The following PDE4D variants were observed in gnomAD, a reference collection of about 807,000 sequenced individuals.
PDE4D encodes the protein phosphodiesterase 4D.
A neutral mutation model predicts 87.4 loss-of-function variants in PDE4D; 24 were observed. The observed-to-expected ratio is 0.27, with a 90% confidence interval of 0.20 to 0.39. The LOEUF is 0.39. PDE4D is among the 10% of genes least tolerant of loss of function. The pLI is 1.00. For missense variants in PDE4D, 714 were observed against 1,041.0 expected (o/e 0.69, Z 4.32); for synonymous variants, 384 against 383.2 (o/e 1.00, Z -0.02).
At chr5:59,088,109 T>C (rs954736504) in intron 5 of PDE4D, among the ~76,000 whole-genome samples, 6 of 152,216 alleles carry the variant, frequency 3.9e-5, no homozygotes, top group Non-Finnish European at 8.8e-5. Context: ...TATATTTATC[T>C]TTCCCTTTTC....
intron 1 of PDE4D, among the ~76,000 whole-genome samples, chr5:59,756,770 T>C (rs889722545): frequency 6.6e-6 from 1 of 151,730 alleles, no homozygotes; most frequent in Admixed American, 6.6e-5. Flanking sequence ...ACTTGTACCT[T>C]CACAGTGGAT....
At chr5:59,019,071 C>A (rs1340263680) in intron 6 of PDE4D, among the ~76,000 whole-genome samples, 1 of 152,058 alleles carries the variant, frequency 6.6e-6, no homozygotes, top group Non-Finnish European at 1.5e-5. Context: ...TCCAGCCCTC[C>A]CCCAATACCC....
intron 3 of PDE4D, among the ~76,000 whole-genome samples, chr5:59,979,888 T>C (rs919111358): frequency 5.3e-5 from 8 of 152,260 alleles, no homozygotes; most frequent in Non-Finnish European, 7.4e-5. Flanking sequence ...TTCTATAGTT[T>C]TTTTCTATAT....
intron 1 of PDE4D, among the ~76,000 whole-genome samples, chr5:59,791,066 CAG>C (rs2152646272): frequency 6.6e-6 from 1 of 152,294 alleles, no homozygotes; most frequent in South Asian, 2.1e-4. Context: ...TACACAGACT[CAG>C]AGTCCTGACA....
At chr5:59,492,844 G>C (rs1295750345) in intron 1 of PDE4D, among the ~76,000 whole-genome samples, 1 of 152,092 alleles carries the variant, frequency 6.6e-6, no homozygotes, top group Non-Finnish European at 1.5e-5. Flanking sequence ...CACAAGATCT[G>C]ATGGTTTTAT....
chr5:60,491,353 A>T (rs1749521107), upstream of PDE4D: 1 of 152,168 alleles, frequency 6.6e-6, no homozygotes, highest in South Asian at 2.1e-4. Context: ...ATGGACCTCA[A>T]AATTTGCTCT....
intron 1 of PDE4D, among the ~76,000 whole-genome samples, chr5:59,274,497 T>G (rs1453562993): frequency 1.3e-5 from 2 of 152,166 alleles, no homozygotes; most frequent in African/African-American, 2.4e-5. Flanking sequence ...ATCATTGCTT[T>G]TATTTCCCCA....
chr5:59,129,384 T>G (rs1342395249), intron 5 of PDE4D, among the ~76,000 whole-genome samples: 1 of 152,158 alleles, frequency 6.6e-6, no homozygotes, highest in African/African-American at 2.4e-5. Context: ...ATTACAGATG[T>G]AAGCCACTGA....
At chr5:59,548,458 C>A (rs1817620300) in intron 1 of PDE4D, among the ~76,000 whole-genome samples, 1 of 152,070 alleles carries the variant, frequency 6.6e-6, no homozygotes, top group South Asian at 2.1e-4. Flanking sequence ...GTACCAGGCA[C>A]CCACCTAGGT....
At chr5:60,442,754 C>T (rs959910679) in intron 1 of PDE4D, among the ~76,000 whole-genome samples, 1 of 151,940 alleles carries the variant, frequency 6.6e-6, no homozygotes, top group African/African-American at 2.4e-5. Context: ...ATTCTTAGGT[C>T]TCAAGTTTGG....
intron 1 of PDE4D, among the ~76,000 whole-genome samples, chr5:59,406,387 T>A (rs937604837): frequency 1.3e-5 from 1 of 76,914 alleles, no homozygotes; most frequent in African/African-American, 5.4e-5. Context: ...TCTTTCCTTA[T>A]CTTTCCTTCC....
At chr5:59,802,632 C>G (rs906338036) in intron 1 of PDE4D, among the ~76,000 whole-genome samples, 1 of 152,058 alleles carries the variant, frequency 6.6e-6, no homozygotes, top group African/African-American at 2.4e-5. Context: ...CTCCTGACCT[C>G]ATGATCTGCC....
chr5:60,155,761 CAT>C (rs1332518145), intron 2 of PDE4D, among the ~76,000 whole-genome samples: 4 of 152,124 alleles, frequency 2.6e-5, no homozygotes, highest in Non-Finnish European at 4.4e-5. Context: ...CACCCAAGCT[CAT>C]ATAATTTCAG....
chr5:59,816,344 A>G (rs1768971822), intron 1 of PDE4D, among the ~76,000 whole-genome samples: 2 of 152,088 alleles, frequency 1.3e-5, no homozygotes, highest in Admixed American at 1.3e-4. Context: ...TTTTTTTCTC[A>G]TCTGGAAAAT....
intron 1 of PDE4D, among the ~76,000 whole-genome samples, chr5:59,369,879 C>T (rs191761266): frequency 1.3e-5 from 2 of 152,130 alleles, no homozygotes; most frequent in Non-Finnish European, 2.9e-5. Context: ...ACTCAAAATG[C>T]TCAAACAGAA....
intron 1 of PDE4D, among the ~76,000 whole-genome samples, chr5:60,359,510 G>A (rs1271680610): frequency 6.6e-6 from 1 of 152,190 alleles, no homozygotes; most frequent in African/African-American, 2.4e-5. Flanking sequence ...TAAAGAAGTA[G>A]TAGCCGATTT....
intron 1 of PDE4D, among the ~76,000 whole-genome samples, chr5:59,416,405 A>G (rs1376388786): frequency 6.6e-6 from 1 of 152,070 alleles, no homozygotes; most frequent in East Asian, 1.9e-4. Flanking sequence ...ATTTTTTTCC[A>G]TGGGGGTTCG....
intron 1 of PDE4D, among the ~76,000 whole-genome samples, chr5:59,426,370 C>A (rs535381119): frequency 8.1e-4 from 123 of 152,304 alleles, no homozygotes; most frequent in African/African-American, 2.9e-3. Context: ...AGAGAGCAGG[C>A]TGGTTTACCT....
At chr5:60,494,963 T>C (rs927371800) in intron 1 of PDE4D, among the ~76,000 whole-genome samples, 5 of 152,176 alleles carry the variant, frequency 3.3e-5, no homozygotes, top group Non-Finnish European at 7.3e-5. Context: ...CCCTTCTCCA[T>C]GCAGGGTCAC....
Sources: gnomAD v4.1 joint callset for allele counts (sites outside exome capture counted in the v4.1 genomes callset) on GRCh38, gnomAD v4.1.1 for gene constraint, MANE v1.5 for transcripts, NCBI Gene and HGNC (gene_info 2026-07-23, HGNC 2026-07-21) for gene names.